The following RBFOX1 variants were observed in gnomAD, a reference collection of about 807,000 sequenced individuals.
RBFOX1 encodes the protein RNA binding fox-1 homolog 1, also known as RNA binding protein fox-1 homolog 1.
Under a neutral mutation model 57.7 loss-of-function variants are expected in RBFOX1, and 8 were observed. The ratio of observed to expected loss-of-function variants is 0.14; its 90% CI spans 0.08 to 0.25. RBFOX1 has a LOEUF of 0.25. Ranked by LOEUF, RBFOX1 falls within the 10% of genes least tolerant of loss-of-function variation. The pLI is 1.00. For missense variants in RBFOX1, 611 were observed against 548.5 expected (o/e 1.11, Z -1.14); for synonymous variants, 326 against 222.4 (o/e 1.47, Z -4.15).
chr16:6,689,408 A>G (rs1300354683), intron 3 of RBFOX1, among the ~76,000 whole-genome samples: 1 of 152,174 alleles, frequency 6.6e-6, no homozygotes, highest in Non-Finnish European at 1.5e-5. Context: ...GCAATAGATA[A>G]TACTTTTTTC....
intron 4 of RBFOX1, among the ~76,000 whole-genome samples, chr16:7,068,002 C>G (rs1436590988): frequency 1.4e-5 from 2 of 145,670 alleles, no homozygotes; most frequent in East Asian, 2.0e-4. Context: ...ATCTTTAAAG[C>G]CAGCCATGGT....
chr16:7,439,383 C>T lies in RBFOX1; in HGVS notation c.28-78764C>T, dbSNP rs374921642. Among the ~76,000 whole-genome samples the T allele has an allele frequency of 3.3e-3, 492 of 151,228 alleles. 3 individuals carry two copies. The highest frequency in any genetic ancestry group is 0.011 in the African/African-American group (460 of 41,172). ...GGCAGATTAAAAAAAAAAAAAAATC[C>T]AGCCTCACCTTTCTTTCTGGGTGGA... is the stretch of plus-strand genomic sequence containing the variant. On this transcript the variant is annotated intron_variant, in intron 4 of 15. Coordinates refer to ENST00000550418, the MANE Select transcript of RBFOX1 (RefSeq NM_018723.4).
chr16:7,396,747 C>T (rs1469357912), intron 4 of RBFOX1, among the ~76,000 whole-genome samples: 3 of 152,112 alleles, frequency 2.0e-5, no homozygotes, highest in Non-Finnish European at 4.4e-5. Context: ...CAAGAACAGC[C>T]TTGCCAACAC....
intron 1 of RBFOX1, among the ~76,000 whole-genome samples, chr16:5,354,454 T>C (rs971690629): frequency 6.6e-6 from 1 of 152,170 alleles, no homozygotes; most frequent in Non-Finnish European, 1.5e-5. Context: ...GCCCCGGTTT[T>C]CTTGTGTGTA....
At chr16:6,924,495 T>A (rs776384655) in intron 3 of RBFOX1, among the ~76,000 whole-genome samples, 2 of 151,918 alleles carry the variant, frequency 1.3e-5, no homozygotes, top group Non-Finnish European at 2.9e-5. Flanking sequence ...CCCCCATAAC[T>A]CAAATATTTC....
intron 3 of RBFOX1, among the ~76,000 whole-genome samples, chr16:6,867,933 C>G (rs764006477): frequency 2.0e-5 from 3 of 152,066 alleles, no homozygotes; most frequent in African/African-American, 7.2e-5. Flanking sequence ...AGAAGCCAAG[C>G]GTCCAGAACT....
intron 5 of RBFOX1, among the ~76,000 whole-genome samples, chr16:7,556,228 TC>T (rs2152599817): frequency 6.6e-6 from 1 of 152,300 alleles, no homozygotes; most frequent in African/African-American, 2.4e-5. Context: ...ACGCAGCTCT[TC>T]GGTCAAATCT....
intron 1 of RBFOX1, among the ~76,000 whole-genome samples, chr16:5,451,302 C>G (rs2068419251): frequency 6.6e-6 from 1 of 152,092 alleles, no homozygotes; most frequent in South Asian, 2.1e-4. Context: ...GAAAGGAGAC[C>G]TCTCAGAGAG....
At chr16:6,378,112 C>T (rs1464230095) in intron 2 of RBFOX1, among the ~76,000 whole-genome samples, 1 of 152,228 alleles carries the variant, frequency 6.6e-6, no homozygotes, top group East Asian at 1.9e-4. Flanking sequence ...AAGATGATGG[C>T]TCATTTATCA....
chr16:5,760,849 A>T (rs1388082789), intron 3 of RBFOX1, among the ~76,000 whole-genome samples: 1 of 152,204 alleles, frequency 6.6e-6, no homozygotes, highest in African/African-American at 2.4e-5. Context: ...GAAAGGAGAG[A>T]GGAGTAGGGA....
At chr16:5,764,229 T>A (rs1001616135) in intron 3 of RBFOX1, among the ~76,000 whole-genome samples, 20 of 152,186 alleles carry the variant, frequency 1.3e-4, no homozygotes, top group African/African-American at 4.3e-4. Flanking sequence ...ACATCATGGT[T>A]AGATGGGCTG....
chr16:6,334,677 A>T (rs2083424598), intron 2 of RBFOX1, among the ~76,000 whole-genome samples: 1 of 152,102 alleles, frequency 6.6e-6, no homozygotes, highest in African/African-American at 2.4e-5. Context: ...AGGCAAGTAG[A>T]TTTCTTCTTG....
chr16:6,434,978 C>G (rs2094194523), intron 2 of RBFOX1, among the ~76,000 whole-genome samples: 1 of 152,202 alleles, frequency 6.6e-6, no homozygotes, highest in Non-Finnish European at 1.5e-5. Flanking sequence ...ACGTGCACAG[C>G]TGTTCCATTT....
At chr16:6,105,288 A>T (rs1162259058) in intron 1 of RBFOX1, among the ~76,000 whole-genome samples, 1 of 152,206 alleles carries the variant, frequency 6.6e-6, no homozygotes, top group Non-Finnish European at 1.5e-5. Context: ...TTTTAAACGT[A>T]ATCCATTTGT....
At chr16:5,451,456 C>A (rs1023744080) in intron 1 of RBFOX1, among the ~76,000 whole-genome samples, 1 of 152,076 alleles carries the variant, frequency 6.6e-6, no homozygotes, top group Non-Finnish European at 1.5e-5. Flanking sequence ...CTAATTAGTA[C>A]CCCAACCCTG....
intron 2 of RBFOX1, among the ~76,000 whole-genome samples, chr16:5,597,367 G>A (rs1251408220): frequency 6.7e-6 from 1 of 149,580 alleles, no homozygotes; most frequent in Non-Finnish European, 1.5e-5. Context: ...GGAAGTTAAA[G>A]GGGTGACCCC....
chr16:7,476,321 G>A (rs954126032), intron 4 of RBFOX1, among the ~76,000 whole-genome samples: 2 of 152,166 alleles, frequency 1.3e-5, no homozygotes, highest in African/African-American at 2.4e-5. Context: ...ACAAGCTGTG[G>A]CCTTAATCCC....
chr16:7,277,737 A>G (rs2095468566), intron 4 of RBFOX1, among the ~76,000 whole-genome samples: 1 of 152,186 alleles, frequency 6.6e-6, no homozygotes, highest in Non-Finnish European at 1.5e-5. Context: ...AATGGTCAAG[A>G]TATTTATTCA....
intron 4 of RBFOX1, among the ~76,000 whole-genome samples, chr16:7,169,019 C>G (rs1056234256): frequency 2.6e-5 from 4 of 152,092 alleles, no homozygotes; most frequent in Non-Finnish European, 1.5e-5. Context: ...AGAAATATAA[C>G]TAGATTTATA....
Sources: gnomAD v4.1 joint callset for allele counts (sites outside exome capture counted in the v4.1 genomes callset) on GRCh38, gnomAD v4.1.1 for gene constraint, MANE v1.5 for transcripts, NCBI Gene and HGNC (gene_info 2026-07-23, HGNC 2026-07-21) for gene names.